Variants in RPS6KC1 observed in about 807,000 individuals in gnomAD.
RPS6KC1 encodes inactive ribosomal protein S6 kinase delta-1.
RPS6KC1 carries 54 observed loss-of-function variants against 103.8 expected under a neutral mutation model. That is an observed-to-expected ratio of 0.52 (90% CI 0.42 to 0.65). The LOEUF (loss-of-function observed/expected upper bound fraction) is 0.65. RPS6KC1 is among the 30% of genes least tolerant of loss of function. The pLI is 0.00. For synonymous variants in RPS6KC1, 439 were observed against 438.7 expected (o/e 1.00, Z -0.01); for missense variants, 1,151 against 1,253.8 (o/e 0.92, Z 1.24).
At chr1:213,070,754 G>A (rs918579352) in intron 1 of RPS6KC1, among the ~76,000 whole-genome samples, 1 of 152,176 alleles carries the variant, frequency 6.6e-6, no homozygotes, top group African/African-American at 2.4e-5. Context: ...CTTTCATTAT[G>A]TACAGAGAAA....
At chr1:213,528,493 T>C in the RPS6KC1 span, among the ~76,000 whole-genome samples, 1 of 152,162 alleles carries the variant, frequency 6.6e-6, no homozygotes, top group Non-Finnish European at 1.5e-5. Context: ...GCTGTGTTGT[T>C]CAAAGGTCAA....
At chr1:213,105,118 T>C (rs968406531) in intron 4 of RPS6KC1, among the ~76,000 whole-genome samples, 1 of 152,112 alleles carries the variant, frequency 6.6e-6, no homozygotes, top group Non-Finnish European at 1.5e-5. Context: ...AATATAAAAC[T>C]GCACAGTTTT....
At chr1:213,466,220 C>T in the RPS6KC1 span, among the ~76,000 whole-genome samples, 4 of 152,060 alleles carry the variant, frequency 2.6e-5, no homozygotes, top group Non-Finnish European at 4.4e-5. Flanking sequence ...AGATGCCATA[C>T]AACCTAAGTA....
chr1:213,469,927 G>A, the RPS6KC1 span, among the ~76,000 whole-genome samples: 10 of 152,146 alleles, frequency 6.6e-5, no homozygotes, highest in East Asian at 7.7e-4. Flanking sequence ...GAAGGGTGAG[G>A]CAGGAGGACC....
the RPS6KC1 span, among the ~76,000 whole-genome samples, chr1:213,814,401 G>A: frequency 6.6e-6 from 1 of 152,232 alleles, no homozygotes; most frequent in Admixed American, 6.5e-5. Context: ...CCTTTTCTCT[G>A]TTCTGGCTGG....
At chr1:213,605,479 A>C in the RPS6KC1 span, among the ~76,000 whole-genome samples, 1 of 151,504 alleles carries the variant, frequency 6.6e-6, no homozygotes, top group Non-Finnish European at 1.5e-5. Flanking sequence ...TAATGTCAAA[A>C]TGTACACTAT....
At chr1:213,379,528 C>A in the RPS6KC1 span, among the ~76,000 whole-genome samples, 1 of 152,206 alleles carries the variant, frequency 6.6e-6, no homozygotes, top group African/African-American at 2.4e-5. Context: ...ACTCATGCTG[C>A]TGACACCATG....
intron 8 of RPS6KC1, among the ~76,000 whole-genome samples, chr1:213,219,645 G>T (rs1307420701): frequency 6.6e-6 from 1 of 152,178 alleles, no homozygotes; most frequent in East Asian, 1.9e-4. Context: ...TTAAGAAAAT[G>T]TGGCACATAT....
At chr1:213,825,447 G>A in the RPS6KC1 span, among the ~76,000 whole-genome samples, 1 of 152,212 alleles carries the variant, frequency 6.6e-6, no homozygotes, top group Non-Finnish European at 1.5e-5. Flanking sequence ...GAAATCTCAA[G>A]CTACTGACCC....
the RPS6KC1 span, among the ~76,000 whole-genome samples, chr1:213,612,451 T>A: frequency 6.6e-6 from 1 of 152,216 alleles, no homozygotes; most frequent in Non-Finnish European, 1.5e-5. Context: ...CCAAGTATAG[T>A]CTCAGTGGCT....
chr1:213,528,823 C>T, the RPS6KC1 span, among the ~76,000 whole-genome samples: 1 of 152,168 alleles, frequency 6.6e-6, no homozygotes, highest in Non-Finnish European at 1.5e-5. Flanking sequence ...AAATAAACCA[C>T]AGTGGGTCTG....
intron 3 of RPS6KC1, among the ~76,000 whole-genome samples, chr1:213,094,658 A>G (rs1036496464): frequency 2.0e-4 from 30 of 152,198 alleles, no homozygotes; most frequent in Admixed American, 9.8e-4. Flanking sequence ...GCCAGGCACT[A>G]TATTGGTTTG....
chr1:213,596,114 G>A, the RPS6KC1 span, among the ~76,000 whole-genome samples: 1 of 152,318 alleles, frequency 6.6e-6, no homozygotes, highest in African/African-American at 2.4e-5. Context: ...GACAGGAAGT[G>A]ACAAAGGATC....
the RPS6KC1 span, chr1:213,832,387 C>T: frequency 6.6e-6 from 1 of 152,136 alleles, no homozygotes; most frequent in Non-Finnish European, 1.5e-5. Context: ...TCTTTATCCC[C>T]CAAATTTAAC....
the RPS6KC1 span, among the ~76,000 whole-genome samples, chr1:213,822,755 A>T: frequency 6.6e-6 from 1 of 152,294 alleles, no homozygotes; most frequent in Admixed American, 6.5e-5. Context: ...CATGTTACAG[A>T]AGTAAGTTCT....
At chr1:213,511,821 C>T in the RPS6KC1 span, among the ~76,000 whole-genome samples, 2 of 152,206 alleles carry the variant, frequency 1.3e-5, no homozygotes, top group East Asian at 3.8e-4. Context: ...CCTGATCCCC[C>T]TTCCCTGGCT....
At chr1:213,680,625 T>C in the RPS6KC1 span, among the ~76,000 whole-genome samples, 1 of 152,008 alleles carries the variant, frequency 6.6e-6, no homozygotes, top group Admixed American at 6.5e-5. Context: ...GATAATATTA[T>C]CCTAAAGCGC....
At chr1:213,414,480 G>C in the RPS6KC1 span, among the ~76,000 whole-genome samples, 1 of 152,196 alleles carries the variant, frequency 6.6e-6, no homozygotes, top group Admixed American at 6.5e-5. Context: ...TGTGAAGAAG[G>C]AGGCAGAGAT....
At chr1:213,559,784 A>C in the RPS6KC1 span, among the ~76,000 whole-genome samples, 1 of 152,206 alleles carries the variant, frequency 6.6e-6, no homozygotes, top group African/African-American at 2.4e-5. Context: ...AAGTAAACAT[A>C]ATCAGGTAAA....
Sources: gnomAD v4.1 joint callset for allele counts (sites outside exome capture counted in the v4.1 genomes callset) on GRCh38, gnomAD v4.1.1 for gene constraint, MANE v1.5 for transcripts, NCBI Gene and HGNC (gene_info 2026-07-23, HGNC 2026-07-21) for gene names.